CELSR3: variants seen among roughly 807,000 people sequenced by gnomAD.
CELSR3 encodes the protein EGF-like protein 1.
CELSR3 carries 73 observed loss-of-function variants against 270.0 expected under a neutral mutation model. That is an observed-to-expected ratio of 0.27 (90% confidence interval 0.22 to 0.33). The LOEUF (loss-of-function observed/expected upper bound fraction) is 0.33. Among genes scored for constraint, CELSR3 ranks in the 10% least tolerant of loss-of-function variants. CELSR3 has a pLI of 1.00. For synonymous variants in CELSR3, 1,780 were observed against 1,905.4 expected (o/e 0.93, Z 1.71); for missense variants, 3,614 against 4,533.8 (o/e 0.80, Z 5.83).
At position 48,654,766 on chromosome 3, in the gene CELSR3, C is replaced by T. The variant is rs1329161744; in HGVS notation, c.4988+278G>A. The stretch of plus-strand genomic sequence containing the variant: ...GGACTGGACATGAGATGAAGGGACT[C>T]GGAGGGGATGTGGGACATTAGTGAG... On this transcript the variant is annotated intron_variant, in intron 6 of 34. Transcript: ENST00000164024. This position sits in a 1 kb window ranked among gnomAD's most constrained non-coding sequence, Gnocchi z 5.4. Among the ~76,000 whole-genome samples, 1 of 148,660 alleles carries T rather than the reference C, an allele frequency of 6.7e-6. No homozygotes were observed. The highest frequency in any genetic ancestry group is 1.5e-5 in the Non-Finnish European group (1 of 67,380).
intron 18 of CELSR3, 81 bp downstream of exon 18, chr3:48,648,638 A>T: frequency 6.7e-7 from 1 of 1,503,448 alleles, no homozygotes; most frequent in Non-Finnish European, 9.0e-7. Flanking sequence ...AGAGAACAGC[A>T]GGAGCCTGAG....
rs1174715476 is a variant in CELSR3 at position 48,638,242 on chromosome 3, C to T, written c.9912-10G>A. ...CTCACTTCTGGGAACTCTGGAGGCACATGAGGAAATCAGAGGTTGATGCCC... is the reference window on the plus strand; with the variant it reads ...CTCACTTCTGGGAACTCTGGAGGCATATGAGGAAATCAGAGGTTGATGCCC... On this transcript the variant is annotated splice_polypyrimidine_tract_variant and intron_variant, in intron 34 of 34. Coordinates refer to ENST00000164024, the MANE Select transcript of CELSR3 (RefSeq NM_001407.3). 2 of 1,611,614 alleles carry T rather than the reference C, an allele frequency of 1.2e-6. No homozygotes were observed. Among genetic ancestry groups the T allele is most frequent in the Non-Finnish European group, 1.7e-6 (2 of 1,178,060 alleles).
At position 48,656,250 on chromosome 3, in the gene CELSR3, G is replaced by T. The variant is rs1242746705; in HGVS notation, c.4515C>A (p.Gly1505=). The change falls in exon 3 of 35, where the codon GGC becomes GGA. Residue 1505 remains glycine, a synonymous_variant. Coordinates refer to ENST00000164024, the MANE Select transcript of CELSR3 (RefSeq NM_001407.3). ...NGGFRCQCPA[G]GAFEGPRCEV... is the part of the protein sequence containing the mutation. ...CGCAGCGCGGGCCCTCGAAGGCGCC[G>T]CCTGCCGGGCACTGGCAGCGAAAGC... is the stretch of plus-strand genomic sequence containing the variant. 1.3e-6 allele frequency: 2 copies of T among 1,533,842 alleles called. No homozygotes were observed. The highest frequency in any genetic ancestry group is 2.7e-5 in the African/African-American group (2 of 72,966).
In CELSR3 at chr3:48,653,496, C is replaced by G; in HGVS notation, c.5448+123G>C. ...CAAGGGCTAGGGTCCAGAGCAGGGT[C>G]AAGTGTGGTTGGGACACCTGGCAGA... On this transcript the variant is annotated intron_variant, in intron 9 of 34. Transcript: ENST00000164024. This position sits in a 1 kb window ranked among gnomAD's most constrained non-coding sequence, Gnocchi z 6.5. The G allele has an allele frequency of 8.6e-7, 1 of 1,159,126 alleles. No individual in the cohort carries two copies. Among genetic ancestry groups the G allele is most frequent in the Non-Finnish European group, 1.3e-6 (1 of 797,954 alleles). The allele number at this position is 1,159,126 out of a possible 1,614,324, so 71.8% of individuals were successfully genotyped here.
At position 48,648,452 on chromosome 3, in the gene CELSR3, A is replaced by G. The variant is rs1482246576; in HGVS notation, c.6787T>C (p.Trp2263Arg). The G allele has an allele frequency of 1.3e-6, 2 of 1,561,578 alleles. No individual in the cohort carries two copies. Among genetic ancestry groups the G allele is most frequent in the Non-Finnish European group, 8.6e-7 (1 of 1,156,794 alleles). ...GGGGCAAGCAGTGCAGAGCCGGCCC[A>G]CAGCAGATTCTGGGAAGACAGAGAT... The part of the protein sequence containing the change: ...QDAHFNENLL[W>R]AGSALLAPET... The change falls in exon 19 of 35, where the codon TGG (tryptophan) becomes CGG (arginine). Residue 2263 changes from tryptophan to arginine, a missense_variant. Physicochemically the swap from Trp to Arg is moderately radical, Grantham distance 101 (BLOSUM62 -3). Transcript: ENST00000164024.
chr3:48,655,151 C>T lies in CELSR3; in HGVS notation c.4881G>A (p.Val1627=), dbSNP rs1204339600. ...GGAQGPSKDK[V]AVLSVDDCDV... ...CACAATCATCCACGCTTAGCACAGC[C>T]ACCTTGTCCTTGGAGGGGCCCTGTG... The change falls in exon 6 of 35, where the codon GTG becomes GTA. Residue 1627 remains valine, a synonymous_variant. Transcript: ENST00000164024. This position sits in a 1 kb window ranked among gnomAD's most constrained non-coding sequence, Gnocchi z 5.8. The T allele has an allele frequency of 1.2e-5, 20 of 1,614,036 alleles. No homozygotes were observed. The highest frequency in any genetic ancestry group is 1.7e-5 in the Non-Finnish European group (20 of 1,179,962).
In CELSR3 at chr3:48,639,712, G is replaced by A. The variant is rs769503815; in HGVS notation, c.9873C>T (p.Ala3291=). 6 of 1,613,688 alleles carry A rather than the reference G, an allele frequency of 3.7e-6. No homozygotes were observed. In the South Asian group the frequency reaches 5.5e-5, roughly 15 times the overall value. ...ACAGCTCCGAGATGCTGTGAGACGT[G>A]GCAGAACGTGGCGTGGAGGGCCCAA... ...SVLGPSTPRS[A]TSHSISELSP... The change falls in exon 34 of 35, where the codon GCC becomes GCT. Residue 3291 remains alanine (A), a synonymous_variant. Transcript: ENST00000164024. This position sits in a 1 kb window ranked among gnomAD's most constrained non-coding sequence, Gnocchi z 4.1.
Position 48,640,688 on chromosome 3 carries a change from G to A in CELSR3, c.9026-129C>T, listed in dbSNP as rs2047017825. On this transcript the variant is annotated intron_variant, in intron 33 of 34. Transcript: ENST00000164024. This position sits in a 1 kb window ranked among gnomAD's most constrained non-coding sequence, Gnocchi z 7.5. ...CAGGGATGGGAGCAGGAACCCCTTGGGGAGCAGCAGAGGCAACCCTGGTGG... is the reference window on the plus strand; with the variant it reads ...CAGGGATGGGAGCAGGAACCCCTTGAGGAGCAGCAGAGGCAACCCTGGTGG... 2.8e-6 allele frequency: 3 copies of A among 1,070,626 alleles called. No homozygotes were observed. Among genetic ancestry groups the A allele is most frequent in the Admixed American group, 5.8e-5 (2 of 34,402 alleles). 66.3% of individuals were successfully genotyped at this position (1,070,626 alleles called of 1,614,324 possible). A position where few individuals can be genotyped will look rare whatever the true frequency, so the allele number is the denominator to read the frequency against.
chr3:48,652,942 A>G lies in CELSR3; in HGVS notation c.5634+60T>C. On this transcript the variant is annotated intron_variant, in intron 10 of 34. Transcript: ENST00000164024. This position sits in a 1 kb window ranked among gnomAD's most constrained non-coding sequence, Gnocchi z 4.3. ...GAGGAGCTGGACTAGAGGTGGGGTC[A>G]AATAAGGCGGATCTGGTTGGAAGGC... The G allele has an allele frequency of 6.9e-7, 1 of 1,457,016 alleles. No homozygotes were observed. The allele number at this position is 1,457,016 out of a possible 1,614,324, so 90.3% of individuals were successfully genotyped here. A position where few individuals can be genotyped will look rare whatever the true frequency, so the allele number is the denominator to read the frequency against.
Position 48,643,020 on chromosome 3 carries a change from C to A in CELSR3, c.8353G>T (p.Ala2785Ser). 1 of 1,612,884 alleles carries A rather than the reference C, an allele frequency of 6.2e-7. No homozygotes were observed. Residue 2785 changes from alanine to serine, a missense_variant, in exon 29 of 35, where the codon GCC becomes TCC. Around this residue, in one of 7 missense-constraint regions of CELSR3, gnomAD observed 1,240 missense variants for 1,351.7 expected, o/e 0.92. Coordinates refer to ENST00000164024, the MANE Select transcript of CELSR3 (RefSeq NM_001407.3). ...GGCGCTGCCTTCCTGCCCAGACAGGCTGGCATCCAGGCAGCCCGAGCATCT... is the reference window on the plus strand; with the variant it reads ...GGCGCTGCCTTCCTGCCCAGACAGGATGGCATCCAGGCAGCCCGAGCATCT... ...NADARAAWMP[A>S]CLGRKAAPEE...
rs2047161230 is a variant in CELSR3, at chr3:48,654,200, C to T, written c.5152+89G>A. ...GCATGGTGCTTGCCACCAAAGGAGA[C>T]TGGCTTGAAGTCAGGTATGGAGTCC... is the stretch of plus-strand genomic sequence containing the variant. On this transcript the variant is annotated intron_variant, in intron 7 of 34. Coordinates refer to ENST00000164024, the MANE Select transcript of CELSR3 (RefSeq NM_001407.3). This position sits in a 1 kb window ranked among gnomAD's most constrained non-coding sequence, Gnocchi z 5.4. The T allele has an allele frequency of 2.6e-6, 4 of 1,559,802 alleles. No homozygotes were observed. The East Asian group carries it at 9.2e-5, about 36-fold the overall frequency.
At position 48,640,298 on chromosome 3, in the gene CELSR3, A is replaced by G; in HGVS notation, c.9287T>C (p.Leu3096Pro). The change falls in exon 34 of 35, where the codon CTG becomes CCG. Residue 3096 changes from leucine (L) to proline (P), a missense_variant. Around this residue, in one of 7 missense-constraint regions of CELSR3, gnomAD observed 1,240 missense variants for 1,351.7 expected, o/e 0.92. Transcript: ENST00000164024. This position sits in a 1 kb window ranked among gnomAD's most constrained non-coding sequence, Gnocchi z 7.5. ...GCATTCCTGGGACCCTGGCCGGCTCAGGGGACGTAGAACAGGGGCAGGGGC... is the reference window on the plus strand; with the variant it reads ...GCATTCCTGGGACCCTGGCCGGCTCGGGGGACGTAGAACAGGGGCAGGGGC... ...EEAPAPVLRP[L>P]SRPGSQECMD... The G allele has an allele frequency of 6.2e-7, 1 of 1,612,844 alleles. No individual in the cohort carries two copies. Among genetic ancestry groups the G allele is most frequent in the Non-Finnish European group, 8.5e-7 (1 of 1,179,972 alleles).
rs373902123 is a variant in CELSR3, at chr3:48,648,780, G to A, written c.6716C>T (p.Ala2239Val). 9.9e-6 allele frequency: 16 copies of A among 1,612,984 alleles called. No individual in the cohort carries two copies. Among genetic ancestry groups the A allele is most frequent in the Admixed American group, 1.7e-5 (1 of 60,012 alleles). The change falls in exon 18 of 35, where the codon GCC becomes GTC. Residue 2239 changes from alanine (A) to valine (V), a missense_variant. Around this residue, in one of 7 missense-constraint regions of CELSR3, gnomAD observed 1,331 missense variants for 1,933.7 expected, o/e 0.69. Transcript: ENST00000164024. ...GAAGCCCTGCTGATGGCTCTCGAAG[G>A]CCAGCAGGTGGGCCAGCAGGCGGGC... Reference protein sequence around the residue: ...VTARLLAHLLAFESHQQGFGL... With the variant: ...VTARLLAHLLVFESHQQGFGL...
chr3:48,641,111 G>A lies in CELSR3; in HGVS notation c.9025+213C>T, dbSNP rs2047022410. 1 of 575,116 alleles carries A rather than the reference G, an allele frequency of 1.7e-6. No individual in the cohort carries two copies. Among genetic ancestry groups the A allele is most frequent in the East Asian group, 2.9e-5 (1 of 34,170 alleles). 35.6% of individuals were successfully genotyped at this position (575,116 alleles called of 1,614,324 possible). A position where few individuals can be genotyped will look rare whatever the true frequency, so the allele number is the denominator to read the frequency against. On this transcript the variant is annotated intron_variant, in intron 33 of 34. Coordinates refer to ENST00000164024, the MANE Select transcript of CELSR3 (RefSeq NM_001407.3). This position sits in a 1 kb window ranked among gnomAD's most constrained non-coding sequence, Gnocchi z 4.8. Reference sequence around the variant, plus strand: ...AGGAGTGGTCGCCTGTGGTCCCCCTGTGGTGCTGGCCAGGGTAGAGGGGGA... The same window carrying A: ...AGGAGTGGTCGCCTGTGGTCCCCCTATGGTGCTGGCCAGGGTAGAGGGGGA...
rs2077064225 is a variant in CELSR3 at position 48,661,249 on chromosome 3, C to G, written c.1386G>C (p.Ala462=). The change falls in exon 1 of 35, where the codon GCG becomes GCC. Residue 462 remains alanine (A), a synonymous_variant. Coordinates refer to ENST00000164024, the MANE Select transcript of CELSR3 (RefSeq NM_001407.3). ...GGTAGCGCAGGTTGGCGTTGGGGGG[C>G]GCGTCGCCGTCAGTGGCACGCAGCT... ...ILQLRATDGD[A]PPNANLRYRF... is the part of the protein sequence containing the mutation. 6.2e-7 allele frequency: 1 copy of G among 1,608,292 alleles called. No individual in the cohort carries two copies. The highest frequency in any genetic ancestry group is 8.5e-7 in the Non-Finnish European group (1 of 1,176,690).
At position 48,651,497 on chromosome 3, in the gene CELSR3, G is replaced by C; in HGVS notation, c.6066-18C>G. 6.2e-7 allele frequency: 1 copy of C among 1,613,048 alleles called. No homozygotes were observed. Among genetic ancestry groups the C allele is most frequent in the South Asian group, 1.1e-5 (1 of 91,068 alleles). On this transcript the variant is annotated intron_variant, in intron 13 of 34. Transcript: ENST00000164024. The surrounding 1 kb of genome is among the most constrained non-coding windows in gnomAD (Gnocchi z 7.4). ...GGTCCATCCTGGGGGTGCAGAGCCA[G>C]GTAAGATGCCTCCACGGTATCCCAG...
Position 48,646,301 on chromosome 3 carries a change from A to G in CELSR3, c.7296-44T>C, listed in dbSNP as rs201390545. ...GGGCTTACGCACTGCTGACCTCCCCATGCTCAGCCTGCTTGCCTCACCCCG... is the reference window on the plus strand; with the variant it reads ...GGGCTTACGCACTGCTGACCTCCCCGTGCTCAGCCTGCTTGCCTCACCCCG... On this transcript the variant is annotated intron_variant, in intron 21 of 34. Transcript: ENST00000164024. The surrounding 1 kb of genome is among the most constrained non-coding windows in gnomAD (Gnocchi z 4.8). 11 of 1,567,088 alleles carry G rather than the reference A, an allele frequency of 7.0e-6. No homozygotes were observed. In the African/African-American group the frequency reaches 1.4e-4, roughly 19 times the overall value.
In CELSR3 at chr3:48,651,534, GTCCCTGCCAGGTC is replaced by G; in HGVS notation, c.6065+30_6065+42del. 1 of 1,601,548 alleles carries G rather than the reference GTCCCTGCCAGGTC, an allele frequency of 6.2e-7. No homozygotes were observed. The highest frequency in any genetic ancestry group is 8.5e-7 in the Non-Finnish European group (1 of 1,171,718). On this transcript the variant is annotated intron_variant, in intron 13 of 34. Transcript: ENST00000164024. The surrounding 1 kb of genome is among the most constrained non-coding windows in gnomAD (Gnocchi z 7.4). ...CCACGGTATCCCAGTGACCCTCCCT[GTCCCTGCCAGGTC>G]TCCCCATCGCCTCAGCCCCAGCCTC...
At position 48,660,816 on chromosome 3, in the gene CELSR3, G is replaced by A. The variant is rs143056512; in HGVS notation, c.1819C>T (p.Pro607Ser). 2 of 1,614,068 alleles carry A rather than the reference G, an allele frequency of 1.2e-6. No individual in the cohort carries two copies. The highest frequency in any genetic ancestry group is 8.5e-7 in the Non-Finnish European group (1 of 1,180,016). ...SLTGEIQVVA[P>S]LDFEAEREYA... is the part of the protein sequence containing the mutation. ...TCTCTCTCTGCCTCGAAGTCCAGAG[G>A]TGCCACCACCTGGATCTCGCCAGTG... is the stretch of plus-strand genomic sequence containing the variant. The change falls in exon 1 of 35, where the codon CCT (proline) becomes TCT (serine). Residue 607 changes from proline (P) to serine (S), a missense_variant. By Grantham distance (74) the Pro-to-Ser change is moderately conservative. Around this residue, in one of 7 missense-constraint regions of CELSR3, gnomAD observed 354 missense variants for 500.9 expected, o/e 0.71. Coordinates refer to ENST00000164024, the MANE Select transcript of CELSR3 (RefSeq NM_001407.3). This position sits in a 1 kb window ranked among gnomAD's most constrained non-coding sequence, Gnocchi z 5.5.
Sources: gnomAD v4.1 joint callset for allele counts (sites outside exome capture counted in the v4.1 genomes callset) on GRCh38, gnomAD v4.1.1 for gene constraint, gnomAD v4.1.1 regional missense constraint, Gnocchi (gnomAD v3.1) non-coding constraint, MANE v1.5 for transcripts, NCBI Gene and HGNC (gene_info 2026-07-23, HGNC 2026-07-21) for gene names.